Variants in PARD3B observed in about 807,000 individuals in gnomAD.
PARD3B encodes par-3 family cell polarity regulator beta, also known as partitioning defective 3 homolog B.
PARD3B carries 103 observed loss-of-function variants against 130.2 expected under a neutral mutation model. That is an observed-to-expected ratio of 0.79 (90% CI 0.67 to 0.93). The LOEUF (loss-of-function observed/expected upper bound fraction) is 0.93, where lower values mean the gene tolerates loss of function less well. Among genes scored for constraint, PARD3B ranks in the 40% least tolerant of loss-of-function variants. The pLI is 0.00. For synonymous variants in PARD3B, 583 were observed against 553.2 expected (o/e 1.05, Z -0.76); for missense variants, 1,609 against 1,499.2 (o/e 1.07, Z -1.21).
intron 2 of PARD3B, among the ~76,000 whole-genome samples, chr2:204,908,530 ATACTT>A (rs1177304198): frequency 6.6e-6 from 1 of 152,202 alleles, no homozygotes; most frequent in Non-Finnish European, 1.5e-5. Context: ...AATCACTACT[ATACTT>A]TTCTTTGTAT....
intron 2 of PARD3B, among the ~76,000 whole-genome samples, chr2:204,836,937 A>G (rs1044739666): frequency 1.3e-5 from 2 of 152,216 alleles, no homozygotes; most frequent in Admixed American, 6.5e-5. Flanking sequence ...CATGCTATAT[A>G]GAACTAAAAA....
chr2:205,537,327 T>C (rs2051907971), intron 21 of PARD3B, among the ~76,000 whole-genome samples: 1 of 152,256 alleles, frequency 6.6e-6, no homozygotes, highest in Non-Finnish European at 1.5e-5. Context: ...TTTCAATTGC[T>C]TAGCTGCCAA....
At position 205,128,512 on chromosome 2, in the gene PARD3B, A is replaced by G. The variant is rs1040093286; in HGVS notation, c.1434+2775A>G. Among the ~76,000 whole-genome samples the G allele has an allele frequency of 2.6e-5, 4 of 152,182 alleles. 1 individual carries two copies. The highest frequency in any genetic ancestry group is 9.7e-5 in the African/African-American group (4 of 41,434). ...ATCCCAGAATTCAACTTCTGTATCC[A>G]CCACTTACTAGCTGTGTGATGTAGA... On this transcript the variant is annotated intron_variant, in intron 10 of 22. Transcript: ENST00000406610. This position sits in a 1 kb window ranked among gnomAD's most constrained non-coding sequence, Gnocchi z 4.5.
intron 2 of PARD3B, among the ~76,000 whole-genome samples, chr2:204,883,154 C>A (rs894440018): frequency 1.3e-5 from 2 of 151,770 alleles, no homozygotes; most frequent in African/African-American, 4.8e-5. Flanking sequence ...CCATGGTTGT[C>A]ATAATTACTT....
At chr2:205,090,500 A>G (rs1702038298) in intron 4 of PARD3B, among the ~76,000 whole-genome samples, 1 of 152,230 alleles carries the variant, frequency 6.6e-6, no homozygotes, top group African/African-American at 2.4e-5. Flanking sequence ...TTCTGCATGC[A>G]CTTGTGAAAA....
At chr2:205,373,819 C>A (rs990700006) in intron 18 of PARD3B, among the ~76,000 whole-genome samples, 4 of 152,144 alleles carry the variant, frequency 2.6e-5, no homozygotes, top group African/African-American at 9.7e-5. Context: ...GGATGGCTTA[C>A]CCCTTGCTCT....
At chr2:204,642,431 G>T (rs568564315) in intron 1 of PARD3B, among the ~76,000 whole-genome samples, 13 of 152,132 alleles carry the variant, frequency 8.5e-5, no homozygotes, top group South Asian at 2.1e-4. Flanking sequence ...TTTTTCTAGT[G>T]ATTTAAATGG....
At chr2:204,784,761 G>T (rs75163959) in intron 2 of PARD3B, among the ~76,000 whole-genome samples, 1 of 152,090 alleles carries the variant, frequency 6.6e-6, no homozygotes, top group Non-Finnish European at 1.5e-5. Context: ...AAGTTGATAC[G>T]ATTATTTTTA....
intron 1 of PARD3B, among the ~76,000 whole-genome samples, chr2:204,638,506 C>T (rs183942512): frequency 1.3e-5 from 2 of 152,070 alleles, no homozygotes. Flanking sequence ...TTGCTTTAGC[C>T]AAGTGTAATT....
chr2:204,878,542 A>C (rs1469693917), intron 2 of PARD3B, among the ~76,000 whole-genome samples: 6 of 152,186 alleles, frequency 3.9e-5, no homozygotes, highest in Non-Finnish European at 8.8e-5. Flanking sequence ...TGTATTAAAA[A>C]AAGAGTATAG....
chr2:205,585,263 T>A lies in PARD3B; in HGVS notation c.3261-30193T>A, dbSNP rs1267265212. Among the ~76,000 whole-genome samples the A allele has an allele frequency of 6.6e-6, 1 of 152,172 alleles. No homozygotes were observed. The highest frequency in any genetic ancestry group is 1.5e-5 in the Non-Finnish European group (1 of 68,026). ...ATGCCCTATCCCACAAAGTAAATGC[T>A]GTCTTGGGCTTTTAAGTGAATTGGG... On this transcript the variant is annotated intron_variant, in intron 22 of 22. Transcript: ENST00000406610. The surrounding 1 kb of genome is among the most constrained non-coding windows in gnomAD (Gnocchi z 5.4).
intron 3 of PARD3B, among the ~76,000 whole-genome samples, chr2:205,023,552 C>A (rs1696790945): frequency 7.5e-6 from 1 of 134,140 alleles, no homozygotes. Context: ...CCGCCAAATC[C>A]CCCTGTTTTT....
At chr2:204,918,899 T>A (rs2047556451) in intron 2 of PARD3B, among the ~76,000 whole-genome samples, 1 of 151,896 alleles carries the variant, frequency 6.6e-6, no homozygotes, top group Admixed American at 6.6e-5. Flanking sequence ...GGCTCTGTGA[T>A]CCTTGTGAAT....
intron 1 of PARD3B, among the ~76,000 whole-genome samples, chr2:204,655,155 C>T (rs1049604744): frequency 1.3e-5 from 2 of 152,160 alleles, no homozygotes; most frequent in African/African-American, 4.8e-5. Flanking sequence ...TGTTGATTCT[C>T]CCCTTAGTTC....
intron 21 of PARD3B, among the ~76,000 whole-genome samples, chr2:205,528,051 C>A (rs2051414264): frequency 6.6e-6 from 1 of 152,182 alleles, no homozygotes; most frequent in Non-Finnish European, 1.5e-5. Context: ...CTATTATAGT[C>A]AGCAGCCAAT....
chr2:204,546,169 C>G, intron 1 of PARD3B, 50 bp downstream of exon 1: 1 of 1,547,348 alleles, frequency 6.5e-7, no homozygotes, highest in Non-Finnish European at 8.7e-7. Flanking sequence ...AGGCACCTGC[C>G]AGGTGCGACC....
intron 1 of PARD3B, among the ~76,000 whole-genome samples, chr2:204,638,563 C>T (rs1382300195): frequency 1.3e-5 from 2 of 152,080 alleles, no homozygotes; most frequent in African/African-American, 4.8e-5. Context: ...TGCTTTCAGT[C>T]ATTCGAGACT....
At chr2:204,572,327 G>A (rs1435600002) in intron 1 of PARD3B, among the ~76,000 whole-genome samples, 1 of 152,060 alleles carries the variant, frequency 6.6e-6, no homozygotes, top group Non-Finnish European at 1.5e-5. Flanking sequence ...AAGGAGGGGA[G>A]GGTACATGTA....
chr2:205,376,791 A>G (rs1677374142), intron 18 of PARD3B, among the ~76,000 whole-genome samples: 1 of 152,200 alleles, frequency 6.6e-6, no homozygotes, highest in Non-Finnish European at 1.5e-5. Flanking sequence ...GTAGGTGGCT[A>G]CAGCATTATG....
Sources: gnomAD v4.1 joint callset for allele counts (sites outside exome capture counted in the v4.1 genomes callset) on GRCh38, gnomAD v4.1.1 for gene constraint, Gnocchi (gnomAD v3.1) non-coding constraint, MANE v1.5 for transcripts, NCBI Gene and HGNC (gene_info 2026-07-23, HGNC 2026-07-21) for gene names.